The following NT5DC3 variants were observed in gnomAD, a reference collection of about 807,000 sequenced individuals.
NT5DC3 encodes the protein 5'-nucleotidase domain containing 3, also known as 5'-nucleotidase domain-containing protein 3.
A neutral mutation model predicts 67.8 loss-of-function variants in NT5DC3; 42 were observed. The ratio of observed to expected loss-of-function variants is 0.62; its 90% CI spans 0.48 to 0.80. The LOEUF is 0.80. NT5DC3 is among the 30% of genes least tolerant of loss of function. NT5DC3 has a pLI of 0.00. For missense variants in NT5DC3, 570 were observed against 696.4 expected (o/e 0.82, Z 2.04); for synonymous variants, 237 against 255.6 (o/e 0.93, Z 0.69).
At chr12:103,793,886 A>G (rs752071672) in intron 7 of NT5DC3, 51 bp downstream of exon 7, 2 of 1,489,996 alleles carry the variant, frequency 1.3e-6, no homozygotes, top group Admixed American at 3.4e-5. Context: ...GCATGGTTGC[A>G]AAAGAAACAG....
At chr12:103,793,556 T>C (rs1263253272) in intron 7 of NT5DC3, 44 bp from the exon 8 acceptor site, 2 of 1,403,668 alleles carry the variant, frequency 1.4e-6, no homozygotes, top group Non-Finnish European at 2.0e-6. Flanking sequence ...AGCATGATAT[T>C]TGTCAATCTG....
At chr12:103,819,175 T>C (rs1325568104) in intron 1 of NT5DC3, among the ~76,000 whole-genome samples, 2 of 152,168 alleles carry the variant, frequency 1.3e-5, no homozygotes, top group African/African-American at 4.8e-5. Flanking sequence ...GACACGTACA[T>C]CACATGACAC....
chr12:103,817,560 ACTTAC>A (rs1351755683), intron 1 of NT5DC3, among the ~76,000 whole-genome samples: 13 of 152,352 alleles, frequency 8.5e-5, no homozygotes, highest in African/African-American at 3.1e-4. Context: ...TTTATTAAGC[ACTTAC>A]CATGTACCAC....
At chr12:103,784,322 T>C (rs1359060694) in intron 12 of NT5DC3, among the ~76,000 whole-genome samples, 2 of 152,212 alleles carry the variant, frequency 1.3e-5, no homozygotes, top group Non-Finnish European at 2.9e-5. Context: ...CAAGAACTAA[T>C]GGAGCCCAGT....
At chr12:103,766,457 A>C, downstream of NT5DC3, 40 of 1,150,478 alleles carry the variant, frequency 3.5e-5, no homozygotes, top group Non-Finnish European at 4.4e-5. Context: ...GCCATACCTC[A>C]TCTCTCTGGC....
At chr12:103,758,427 A>G in the NT5DC3 span, 15 of 1,425,346 alleles carry the variant, frequency 1.1e-5, no homozygotes, top group Non-Finnish European at 1.4e-5. Flanking sequence ...TCAGTTGGCC[A>G]CTCCCTTGGT....
downstream of NT5DC3, among the ~76,000 whole-genome samples, chr12:103,770,074 C>T (rs150912359): frequency 4.5e-4 from 68 of 152,234 alleles, no homozygotes; most frequent in Non-Finnish European, 8.8e-4. Flanking sequence ...TGCTCCTTGG[C>T]GACATGAAAA....
At chr12:103,804,999 C>T (rs1431380965) in intron 4 of NT5DC3, among the ~76,000 whole-genome samples, 2 of 151,120 alleles carry the variant, frequency 1.3e-5, no homozygotes, top group South Asian at 2.1e-4. Context: ...TGCAGTGAGC[C>T]GAGATCTCGC....
At chr12:103,778,574 G>A (rs1195167709) in intron 13 of NT5DC3, among the ~76,000 whole-genome samples, 1 of 151,460 alleles carries the variant, frequency 6.6e-6, no homozygotes, top group Non-Finnish European at 1.5e-5. Context: ...TCTGGCCTGG[G>A]CATGGCAGGT....
the NT5DC3 span, among the ~76,000 whole-genome samples, chr12:103,756,993 G>GAAAAAAAA: frequency 8.5e-4 from 13 of 15,258 alleles, no homozygotes; most frequent in African/African-American, 4.0e-3. Flanking sequence ...CAGAAGGAGG[G>GAAAAAAAA]AAAATATATA....
rs139984786 is a variant in NT5DC3 at position 103,812,087 on chromosome 12, A to G, written c.393+2850T>C. 5.1e-3 allele frequency among the ~76,000 whole-genome samples: 777 copies of G among 152,226 alleles called. 3 individuals carry two copies. The highest frequency in any genetic ancestry group is 0.018 in the African/African-American group (752 of 41,536). On this transcript the variant is annotated intron_variant, in intron 2 of 13. Transcript: ENST00000392876. ...TAAAATCAAAATATAGACAGTTATTACTCAATTTTTAAAAAAATTTCCATT... is the reference window on the plus strand; with the variant it reads ...TAAAATCAAAATATAGACAGTTATTGCTCAATTTTTAAAAAAATTTCCATT...
At chr12:103,799,499 G>A (rs564662141) in intron 4 of NT5DC3, among the ~76,000 whole-genome samples, 7 of 152,086 alleles carry the variant, frequency 4.6e-5, no homozygotes, top group South Asian at 4.2e-4. Flanking sequence ...CATGCCTTTC[G>A]CCTTCTGCCA....
chr12:103,803,878 G>A (rs1304495720), intron 4 of NT5DC3, among the ~76,000 whole-genome samples: 1 of 140,650 alleles, frequency 7.1e-6, no homozygotes, highest in Non-Finnish European at 1.5e-5. Context: ...CCAAAAAAAT[G>A]TGTTGAGGGA....
At chr12:103,755,236 T>G in the NT5DC3 span, 1 of 1,580,252 alleles carries the variant, frequency 6.3e-7, no homozygotes. Flanking sequence ...GAATCAGACA[T>G]TAACCAAGTG....
intron 1 of NT5DC3, among the ~76,000 whole-genome samples, chr12:103,823,047 A>C (rs1446694092): frequency 6.6e-6 from 1 of 152,130 alleles, no homozygotes; most frequent in Non-Finnish European, 1.5e-5. Context: ...TGTATTGATA[A>C]AGTAAATCAC....
chr12:103,826,074 G>C (rs182236064), intron 1 of NT5DC3, among the ~76,000 whole-genome samples: 1 of 152,254 alleles, frequency 6.6e-6, no homozygotes, highest in East Asian at 1.9e-4. Flanking sequence ...CTCAAAGTAG[G>C]TGCTTCCTAA....
chr12:103,806,474 G>A (rs930373944), intron 3 of NT5DC3, 97 bp from the exon 4 acceptor site: 2 of 854,354 alleles, frequency 2.3e-6, no homozygotes, highest in African/African-American at 3.3e-5. Flanking sequence ...ATCAACATTA[G>A]GCTGCCCTAA....
intron 9 of NT5DC3, among the ~76,000 whole-genome samples, chr12:103,791,444 T>C (rs1566104704): frequency 6.6e-6 from 1 of 152,060 alleles, no homozygotes; most frequent in African/African-American, 2.4e-5. Context: ...AGGTGCATGT[T>C]TTCCTCTGCA....
downstream of NT5DC3, among the ~76,000 whole-genome samples, chr12:103,769,752 T>C (rs562834321): frequency 2.0e-5 from 3 of 152,358 alleles, no homozygotes; most frequent in East Asian, 3.9e-4. Flanking sequence ...TCTCTTCTTG[T>C]CTTACGAGCA....
Sources: allele counts gnomAD v4.1 joint callset (sites outside exome capture counted in the v4.1 genomes callset), GRCh38; gene constraint gnomAD v4.1.1; transcripts MANE v1.5; gene names NCBI Gene and HGNC (gene_info 2026-07-23, HGNC 2026-07-21).